PAPPA: variants seen among roughly 807,000 people sequenced by gnomAD.
The protein encoded by PAPPA is pappalysin-1.
In PAPPA, 60 loss-of-function variants were observed where a neutral mutation model predicts 164.0. The ratio of observed to expected loss-of-function variants is 0.37; its 90% CI spans 0.30 to 0.45. PAPPA has a LOEUF of 0.45. Ranked by LOEUF, PAPPA falls within the 20% of genes least tolerant of loss-of-function variation. The pLI is 1.00. For synonymous variants in PAPPA, 875 were observed against 814.1 expected (o/e 1.07, Z -1.27); for missense variants, 1,782 against 2,087.3 (o/e 0.85, Z 2.85).
At chr9:116,172,504 T>C (rs1200647656) in intron 1 of PAPPA, among the ~76,000 whole-genome samples, 1 of 152,220 alleles carries the variant, frequency 6.6e-6, no homozygotes, top group Non-Finnish European at 1.5e-5. Flanking sequence ...CAAAAACGTC[T>C]GTAGACATTG....
intron 18 of PAPPA, 106 bp downstream of exon 18, chr9:116,362,845 C>T (rs998110360): frequency 2.4e-5 from 25 of 1,046,038 alleles, no homozygotes; most frequent in East Asian, 1.0e-4. Context: ...TGAGTTCCTG[C>T]GTAGGCACTA....
chr9:116,359,710 A>T (rs1241437914), intron 17 of PAPPA, among the ~76,000 whole-genome samples: 8 of 152,262 alleles, frequency 5.3e-5, no homozygotes, highest in Non-Finnish European at 1.2e-4. Flanking sequence ...CAGAGGGCAC[A>T]GCAAGGGCAA....
At chr9:116,366,734 T>C (rs1338027274) in intron 18 of PAPPA, among the ~76,000 whole-genome samples, 1 of 152,118 alleles carries the variant, frequency 6.6e-6, no homozygotes, top group Non-Finnish European at 1.5e-5. Flanking sequence ...AAGAGAGCTA[T>C]TGATATCACA....
chr9:116,168,567 G>A (rs1008658257), intron 1 of PAPPA, among the ~76,000 whole-genome samples: 3 of 152,202 alleles, frequency 2.0e-5, no homozygotes, highest in African/African-American at 7.2e-5. Context: ...AAGGATTGGG[G>A]ACTTGTTCAT....
chr9:116,391,586 C>T (rs1024805891), intron 21 of PAPPA, among the ~76,000 whole-genome samples: 1 of 152,226 alleles, frequency 6.6e-6, no homozygotes, highest in Non-Finnish European at 1.5e-5. Context: ...AGCTGCATTC[C>T]TGAGCCACTC....
At chr9:116,362,190 C>T (rs959601469) in intron 17 of PAPPA, among the ~76,000 whole-genome samples, 1 of 152,054 alleles carries the variant, frequency 6.6e-6, no homozygotes, top group Admixed American at 6.5e-5. Context: ...TTTAGTGTTC[C>T]TCATTAACCC....
At chr9:116,396,218 G>A (rs1214438509) in intron 21 of PAPPA, among the ~76,000 whole-genome samples, 2 of 152,182 alleles carry the variant, frequency 1.3e-5, no homozygotes, top group Non-Finnish European at 2.9e-5. Context: ...TGCAGCATCT[G>A]TCTTATAGAG....
chr9:116,332,241 G>A (rs1297667167), intron 11 of PAPPA, 92 bp from the exon 12 acceptor site: 1 of 1,118,036 alleles, frequency 8.9e-7, no homozygotes, highest in African/African-American at 1.5e-5. Flanking sequence ...TTCTTAAAAA[G>A]GAAGTTTCTC....
intron 21 of PAPPA, among the ~76,000 whole-genome samples, chr9:116,392,813 C>T (rs1846911750): frequency 6.6e-6 from 1 of 152,156 alleles, no homozygotes; most frequent in Admixed American, 6.5e-5. Flanking sequence ...TTGATAAAGA[C>T]CCTTGTCTTA....
chr9:116,188,693 G>A (rs1844007953), intron 2 of PAPPA, among the ~76,000 whole-genome samples: 1 of 152,124 alleles, frequency 6.6e-6, no homozygotes, highest in Non-Finnish European at 1.5e-5. Flanking sequence ...TACCATACTG[G>A]CAAAGCAATA....
chr9:116,239,804 G>A (rs1319622472), intron 7 of PAPPA, among the ~76,000 whole-genome samples: 1 of 152,076 alleles, frequency 6.6e-6, no homozygotes, highest in Non-Finnish European at 1.5e-5. Flanking sequence ...TTTTAGAGCT[G>A]AGAAATGCAT....
chr9:116,393,225 C>T (rs1407133064), intron 21 of PAPPA, among the ~76,000 whole-genome samples: 3 of 152,178 alleles, frequency 2.0e-5, no homozygotes, highest in Non-Finnish European at 4.4e-5. Flanking sequence ...AAGTTCCTTT[C>T]TGGCCAGGTC....
intron 10 of PAPPA, among the ~76,000 whole-genome samples, chr9:116,324,752 C>A (rs141187427): frequency 6.6e-6 from 1 of 151,902 alleles, no homozygotes; most frequent in Admixed American, 6.6e-5. Flanking sequence ...CGGTGGTGGG[C>A]GTGGGGGTTC....
At chr9:116,356,433 G>C (rs1361291565) in intron 17 of PAPPA, among the ~76,000 whole-genome samples, 1 of 152,208 alleles carries the variant, frequency 6.6e-6, no homozygotes, top group East Asian at 1.9e-4. Flanking sequence ...AAATGAACTA[G>C]CCTGCTTTAA....
At chr9:116,198,046 AT>A (rs1394632023) in intron 2 of PAPPA, among the ~76,000 whole-genome samples, 1 of 152,194 alleles carries the variant, frequency 6.6e-6, no homozygotes, top group African/African-American at 2.4e-5. Context: ...CTTAGTTGTG[AT>A]TTAAGCATAA....
intron 9 of PAPPA, chr9:116,288,766 G>A (rs920177788): frequency 6.6e-6 from 1 of 151,966 alleles, no homozygotes. Flanking sequence ...ACTGTGGCTT[G>A]AATGGCTCAT....
chr9:116,249,365 A>T (rs1564198337), intron 7 of PAPPA, among the ~76,000 whole-genome samples: 1 of 152,140 alleles, frequency 6.6e-6, no homozygotes, highest in Non-Finnish European at 1.5e-5. Context: ...AATTTCAAGA[A>T]GAGAGTTTGA....
chr9:116,235,011 C>A, intron 6 of PAPPA, 128 bp from the exon 7 acceptor site: 1 of 994,840 alleles, frequency 1.0e-6, no homozygotes, highest in Non-Finnish European at 1.5e-6. Context: ...GCACCAAGAA[C>A]CTTCCTCTCC....
chr9:116,199,020 G>A (rs1844139302), intron 2 of PAPPA, among the ~76,000 whole-genome samples: 1 of 151,848 alleles, frequency 6.6e-6, no homozygotes, highest in South Asian at 2.1e-4. Context: ...AAGTAATTGT[G>A]GTTTTTGCCA....
Sources: allele counts gnomAD v4.1 joint callset (sites outside exome capture counted in the v4.1 genomes callset), GRCh38; gene constraint gnomAD v4.1.1; transcripts MANE v1.5; gene names NCBI Gene and HGNC (gene_info 2026-07-23, HGNC 2026-07-21).